The following RANBP2 variants were observed in gnomAD, a reference collection of about 807,000 sequenced individuals.
RANBP2 encodes the protein E3 SUMO-protein ligase RanBP2.
RANBP2 carries 57 observed loss-of-function variants against 303.6 expected under a neutral mutation model. That is an observed-to-expected ratio of 0.19 (90% CI 0.15 to 0.23). The LOEUF (loss-of-function observed/expected upper bound fraction) is 0.23, where lower values mean the gene tolerates loss of function less well. RANBP2 is among the 10% of genes least tolerant of loss of function. The pLI is 1.00. For synonymous variants in RANBP2, 1,167 were observed against 1,301.5 expected (o/e 0.90, Z 2.23); for missense variants, 3,138 against 3,780.8 (o/e 0.83, Z 4.46).
the RANBP2 span, among the ~76,000 whole-genome samples, chr2:109,410,660 A>G: frequency 0.57 from 86,257 of 152,166 alleles, 25,052 homozygotes; most frequent in African/African-American, 0.67. Context: ...ACTGCATGTC[A>G]GCCAGCTCCT....
chr2:108,982,918 G>T, the RANBP2 span, among the ~76,000 whole-genome samples: 11 of 152,324 alleles, frequency 7.2e-5, no homozygotes, highest in African/African-American at 2.4e-4. Flanking sequence ...CCTGCTGCAT[G>T]TGCAGGGATG....
chr2:109,760,435 G>C, the RANBP2 span: 1 of 942,112 alleles, frequency 1.1e-6, no homozygotes, highest in African/African-American at 2.0e-5. Flanking sequence ...GGCGGCGCAG[G>C]GCCGGGGGCG....
At chr2:109,053,754 C>G in the RANBP2 span, among the ~76,000 whole-genome samples, 3 of 152,230 alleles carry the variant, frequency 2.0e-5, no homozygotes, top group African/African-American at 4.8e-5. Context: ...GCTCTATAAA[C>G]AGGGGTAAGG....
the RANBP2 span, among the ~76,000 whole-genome samples, chr2:109,070,421 T>C: frequency 6.6e-6 from 1 of 152,178 alleles, no homozygotes; most frequent in East Asian, 1.9e-4. Context: ...AAATCTCGTG[T>C]TGAAATGTGA....
chr2:109,064,474 A>AAAC, the RANBP2 span, among the ~76,000 whole-genome samples: 5 of 149,010 alleles, frequency 3.4e-5, no homozygotes, highest in South Asian at 2.2e-4. Context: ...AAAAAAAACA[A>AAAC]AAACAAACTG....
chr2:108,768,034 A>C lies in RANBP2; in HGVS notation c.7495A>C (p.Ser2499Arg). 2 of 1,612,070 alleles carry C rather than the reference A, an allele frequency of 1.2e-6. No homozygotes were observed. The highest frequency in any genetic ancestry group is 8.5e-7 in the Non-Finnish European group (1 of 1,179,864). The change falls in exon 20 of 29, where the codon AGC (serine) becomes CGC (arginine). Residue 2499 changes from serine (S) to arginine (R), a missense_variant. This residue lies in a region of RANBP2 where 497 missense variants were observed against 465.8 expected (regional missense o/e 1.07). Coordinates refer to ENST00000283195, the MANE Select transcript of RANBP2 (RefSeq NM_006267.5). ...TGCAACTTCAGAAGTTGAAGTGTCTAGCACATCTGAAACAACACCAAAAGC... is the reference window on the plus strand; with the variant it reads ...TGCAACTTCAGAAGTTGAAGTGTCTCGCACATCTGAAACAACACCAAAAGC... ...ADATSEVEVS[S>R]TSETTPKAVV...
chr2:109,496,542 G>A, the RANBP2 span, among the ~76,000 whole-genome samples: 1 of 152,224 alleles, frequency 6.6e-6, no homozygotes, highest in African/African-American at 2.4e-5. Context: ...CAGTGAGGGT[G>A]AGGGCACCTG....
At chr2:109,518,254 TCTC>T in the RANBP2 span, among the ~76,000 whole-genome samples, 1 of 152,216 alleles carries the variant, frequency 6.6e-6, no homozygotes, top group Non-Finnish European at 1.5e-5. Flanking sequence ...ATCTCTTGTT[TCTC>T]CTCCTACACA....
the RANBP2 span, among the ~76,000 whole-genome samples, chr2:108,879,873 T>G: frequency 6.6e-6 from 1 of 152,214 alleles, no homozygotes; most frequent in South Asian, 2.1e-4. Context: ...ACCTTCAAAT[T>G]TATTGGAATA....
the RANBP2 span, among the ~76,000 whole-genome samples, chr2:109,154,538 A>G: frequency 6.6e-6 from 1 of 152,192 alleles, no homozygotes; most frequent in Non-Finnish European, 1.5e-5. Context: ...GAAGAAACCA[A>G]GGCTCCCTAA....
At chr2:108,812,132 C>T in the RANBP2 span, among the ~76,000 whole-genome samples, 2 of 151,944 alleles carry the variant, frequency 1.3e-5, no homozygotes, top group Non-Finnish European at 2.9e-5. Context: ...AAAATAAAAC[C>T]TAAATAAATT....
At chr2:109,247,116 C>T in the RANBP2 span, among the ~76,000 whole-genome samples, 1 of 152,134 alleles carries the variant, frequency 6.6e-6, no homozygotes, top group Non-Finnish European at 1.5e-5. Context: ...ATTGTAATCC[C>T]ATGGGTGTAT....
the RANBP2 span, among the ~76,000 whole-genome samples, chr2:109,648,513 T>G: frequency 6.6e-6 from 1 of 152,036 alleles, no homozygotes; most frequent in Non-Finnish European, 1.5e-5. Context: ...CCGGCTAATT[T>G]TGTATTTTTA....
chr2:109,522,900 A>G, the RANBP2 span, among the ~76,000 whole-genome samples: 1 of 152,218 alleles, frequency 6.6e-6, no homozygotes, highest in South Asian at 2.1e-4. Flanking sequence ...AGTGCTTCAA[A>G]ATACTCGTGT....
the RANBP2 span, among the ~76,000 whole-genome samples, chr2:108,812,387 A>G: frequency 0.062 from 9,503 of 152,248 alleles, 1,005 homozygotes; most frequent in African/African-American, 0.21. Flanking sequence ...ATATATGTAT[A>G]TGCTTTTAAG....
At chr2:109,321,126 G>A in the RANBP2 span, among the ~76,000 whole-genome samples, 29 of 152,188 alleles carry the variant, frequency 1.9e-4, no homozygotes, top group African/African-American at 5.8e-4. Context: ...AAAGACTCAC[G>A]GACACACAAG....
the RANBP2 span, among the ~76,000 whole-genome samples, chr2:109,263,026 G>C: frequency 6.6e-6 from 1 of 151,308 alleles, no homozygotes; most frequent in Non-Finnish European, 1.5e-5. Context: ...TTGTATTTTT[G>C]GTAGAGACAG....
the RANBP2 span, among the ~76,000 whole-genome samples, chr2:108,820,322 G>A: frequency 6.6e-6 from 1 of 152,128 alleles, no homozygotes; most frequent in Non-Finnish European, 1.5e-5. Context: ...GACAGTCTGA[G>A]GGACTTATGG....
the RANBP2 span, among the ~76,000 whole-genome samples, chr2:109,341,622 G>T: frequency 1.8e-4 from 27 of 152,268 alleles, no homozygotes; most frequent in African/African-American, 5.5e-4. Flanking sequence ...CTTACTTCAT[G>T]GTATGGGGGT....
Sources: gnomAD v4.1 joint callset for allele counts (sites outside exome capture counted in the v4.1 genomes callset) on GRCh38, gnomAD v4.1.1 for gene constraint, gnomAD v4.1.1 regional missense constraint, MANE v1.5 for transcripts, NCBI Gene and HGNC (gene_info 2026-07-23, HGNC 2026-07-21) for gene names.